CTPS2: variants seen among roughly 807,000 people sequenced by gnomAD.
The protein encoded by CTPS2 is CTP synthase 2.
In CTPS2, 19 loss-of-function variants were observed where a neutral mutation model predicts 46.8. The ratio of observed to expected loss-of-function variants is 0.41; its 90% CI spans 0.28 to 0.60. CTPS2 has a LOEUF of 0.60. Among genes scored for constraint, CTPS2 ranks in the 20% least tolerant of loss-of-function variants. The probability of loss-of-function intolerance (pLI) is 0.35; values close to 1 mark genes in which losing one functional copy is unlikely to be tolerated. For missense variants in CTPS2, 286 were observed against 447.6 expected (o/e 0.64, Z 3.26); for synonymous variants, 151 against 165.2 (o/e 0.91, Z 0.66).
chrX:16,644,913 T>A (rs771811981), intron 13 of CTPS2, among the ~76,000 whole-genome samples: 1 of 112,820 alleles, frequency 8.9e-6, no homozygotes, highest in African/African-American at 3.2e-5. Flanking sequence ...TTATTTTCCA[T>A]CTCCACTGAG....
intron 8 of CTPS2, among the ~76,000 whole-genome samples, chrX:16,687,240 C>T (rs1294593952): frequency 9.0e-6 from 1 of 110,721 alleles, no homozygotes; most frequent in Non-Finnish European, 1.9e-5. Context: ...TGGCTCATTC[C>T]TGTAATCCCA....
At chrX:16,672,881 CTT>C (rs1185799196) in intron 10 of CTPS2, among the ~76,000 whole-genome samples, 8 of 69,570 alleles carry the variant, frequency 1.1e-4, no homozygotes, top group South Asian at 7.7e-4. Flanking sequence ...TGAGGCTACT[CTT>C]TTTTTTTTTT....
At chrX:16,672,725 C>A (rs1359760041) in intron 10 of CTPS2, among the ~76,000 whole-genome samples, 1 of 111,111 alleles carries the variant, frequency 9.0e-6, no homozygotes, top group Non-Finnish European at 1.9e-5. Context: ...AAAGGGAACC[C>A]AGAAGCCTAG....
chrX:16,644,969 A>C (rs886752884), intron 13 of CTPS2, among the ~76,000 whole-genome samples: 10 of 111,557 alleles, frequency 9.0e-5, no homozygotes, highest in African/African-American at 2.9e-4. Context: ...CAATAATGGA[A>C]TCTCTCAGTG....
rs5936160 is a variant in CTPS2 at position 16,693,747 on chromosome X, C to T, written c.439-260G>A. On this transcript the variant is annotated intron_variant, in intron 4 of 18. Transcript: ENST00000359276. ...CAAGGCTGCAGTGAGTCATGATCAT[C>T]CCACTGCATTCCAGCCTAGATGACA... is the stretch of plus-strand genomic sequence containing the variant. Among the ~76,000 whole-genome samples, 792 of 110,849 alleles carry T rather than the reference C, an allele frequency of 7.1e-3. 2 individuals carry two copies. Among genetic ancestry groups the T allele is most frequent in the Non-Finnish European group, 0.011 (583 of 52,918 alleles).
intron 13 of CTPS2, among the ~76,000 whole-genome samples, chrX:16,642,678 C>T (rs1292412317): frequency 1.8e-5 from 2 of 112,048 alleles, no homozygotes; most frequent in African/African-American, 3.2e-5. Context: ...CTGGCTGCCT[C>T]TTGGGTTATA....
intron 17 of CTPS2, among the ~76,000 whole-genome samples, chrX:16,599,476 C>T (rs60806203): frequency 0.01 from 898 of 86,128 alleles, 25 homozygotes; most frequent in African/African-American, 0.038. Context: ...TCTTTTTTTT[C>T]TTTTTTTTTT....
intron 13 of CTPS2, among the ~76,000 whole-genome samples, chrX:16,664,095 CA>C (rs1166617215): frequency 1.8e-5 from 2 of 112,034 alleles, no homozygotes; most frequent in Non-Finnish European, 3.8e-5. Context: ...CTTGGCCTCC[CA>C]AAGTGCTGGG....
intron 13 of CTPS2, among the ~76,000 whole-genome samples, chrX:16,648,718 G>C (rs968775654): frequency 8.9e-6 from 1 of 112,114 alleles, no homozygotes; most frequent in Non-Finnish European, 1.9e-5. Context: ...CAAAGTCAAA[G>C]AATCCATAAT....
chrX:16,695,876 A>G (rs6527715), intron 4 of CTPS2, among the ~76,000 whole-genome samples: 58,962 of 107,678 alleles, frequency 0.55, 13,652 homozygotes, highest in African/African-American at 0.86. Flanking sequence ...TTAAAGACAG[A>G]GTCTCGCTCT....
intron 1 of CTPS2, among the ~76,000 whole-genome samples, chrX:16,705,534 T>C (rs1296639231): frequency 8.9e-6 from 1 of 112,443 alleles, no homozygotes; most frequent in Non-Finnish European, 1.9e-5. Flanking sequence ...GCTATTTTCA[T>C]GTTTATTCAA....
At chrX:16,621,997 G>A (rs775958711) in intron 14 of CTPS2, among the ~76,000 whole-genome samples, 1 of 111,125 alleles carries the variant, frequency 9.0e-6, no homozygotes, top group South Asian at 3.8e-4. Context: ...GAGAGAATGC[G>A]AACATACCAC....
intron 2 of CTPS2, among the ~76,000 whole-genome samples, chrX:16,702,079 G>T (rs1327025377): frequency 9.0e-6 from 1 of 111,022 alleles, no homozygotes; most frequent in East Asian, 2.8e-4. Context: ...TTTTGAGACA[G>T]AGTCTCGCTC....
chrX:16,674,495 T>G (rs1264627361), intron 10 of CTPS2, among the ~76,000 whole-genome samples: 1 of 111,322 alleles, frequency 9.0e-6, no homozygotes, highest in African/African-American at 3.3e-5. Flanking sequence ...AAGATAAAGC[T>G]GAAAGTTTGA....
chrX:16,681,489 G>A (rs946416925), intron 9 of CTPS2, among the ~76,000 whole-genome samples: 1 of 111,897 alleles, frequency 8.9e-6, no homozygotes, highest in African/African-American at 3.2e-5. Context: ...CTGGTAACAA[G>A]TGGGATTTCA....
intron 17 of CTPS2, among the ~76,000 whole-genome samples, chrX:16,593,373 G>GTT (rs1929034725): frequency 3.0e-5 from 3 of 100,825 alleles, no homozygotes; most frequent in Admixed American, 1.1e-4. Context: ...AGCTTGCAAC[G>GTT]AGCCAAGATC....
At chrX:16,668,501 C>T (rs1921392274) in intron 11 of CTPS2, among the ~76,000 whole-genome samples, 1 of 107,272 alleles carries the variant, frequency 9.3e-6, no homozygotes, top group Admixed American at 1.0e-4. Context: ...AGGGGAGTGG[C>T]GTGAACCTGG....
At chrX:16,669,494 G>C (rs958101071) in intron 11 of CTPS2, among the ~76,000 whole-genome samples, 3 of 109,676 alleles carry the variant, frequency 2.7e-5, no homozygotes, top group Non-Finnish European at 5.7e-5. Context: ...CTATGCTAGA[G>C]GGAAAGCTAA....
intron 14 of CTPS2, among the ~76,000 whole-genome samples, chrX:16,632,360 C>A (rs1931519642): frequency 9.0e-6 from 1 of 111,282 alleles, no homozygotes; most frequent in Non-Finnish European, 1.9e-5. Context: ...AATATACAGA[C>A]CTGAAGGTAG....
Sources: allele counts gnomAD v4.1 joint callset (sites outside exome capture counted in the v4.1 genomes callset), GRCh38; gene constraint gnomAD v4.1.1; transcripts MANE v1.5; gene names NCBI Gene and HGNC (gene_info 2026-07-23, HGNC 2026-07-21).